ZC3H12B: variants seen among roughly 807,000 people sequenced by gnomAD.
The protein encoded by ZC3H12B is zinc finger CCCH-type containing 12B.
ZC3H12B carries 7 observed loss-of-function variants against 43.9 expected under a neutral mutation model. The ratio of observed to expected loss-of-function variants is 0.16; its 90% confidence interval spans 0.09 to 0.30. The LOEUF (loss-of-function observed/expected upper bound fraction) is 0.30, where lower values mean the gene tolerates loss of function less well. ZC3H12B is among the 10% of genes least tolerant of loss of function. ZC3H12B has a pLI of 1.00. For missense variants in ZC3H12B, 475 were observed against 670.2 expected (o/e 0.71, Z 3.22); for synonymous variants, 222 against 241.7 (o/e 0.92, Z 0.76).
the ZC3H12B span, among the ~76,000 whole-genome samples, chrX:65,102,224 G>T: frequency 1.8e-5 from 2 of 111,528 alleles, no homozygotes; most frequent in Non-Finnish European, 3.8e-5. Context: ...AGGTATTGAT[G>T]GTATATATCT....
At chrX:65,042,319 C>CT in the ZC3H12B span, among the ~76,000 whole-genome samples, 1 of 112,557 alleles carries the variant, frequency 8.9e-6, no homozygotes, top group Non-Finnish European at 1.9e-5. Context: ...GGAAGAGAGA[C>CT]TGAGTATTCA....
the ZC3H12B span, among the ~76,000 whole-genome samples, chrX:65,159,810 G>A: frequency 1.8e-5 from 2 of 111,965 alleles, no homozygotes; most frequent in South Asian, 3.7e-4. Flanking sequence ...TGGAAGAGGA[G>A]TGGTGAGAGA....
the ZC3H12B span, among the ~76,000 whole-genome samples, chrX:65,123,392 T>C: frequency 9.0e-6 from 1 of 110,977 alleles, no homozygotes; most frequent in South Asian, 3.8e-4. Context: ...ATTCTCTTTT[T>C]GTGTGTGTGT....
chrX:65,384,367 T>G (rs1322643883), intron 2 of ZC3H12B, among the ~76,000 whole-genome samples: 1 of 110,285 alleles, frequency 9.1e-6, no homozygotes, highest in African/African-American at 3.3e-5. Flanking sequence ...CGGGGACTGT[T>G]GTGGGGTGTG....
At chrX:65,255,702 G>A in the ZC3H12B span, among the ~76,000 whole-genome samples, 4 of 112,209 alleles carry the variant, frequency 3.6e-5, no homozygotes, top group Non-Finnish European at 5.6e-5. Context: ...ACTTTAGAAT[G>A]TAAACAGGCT....
chrX:65,047,871 T>C, the ZC3H12B span, among the ~76,000 whole-genome samples: 253 of 110,899 alleles, frequency 2.3e-3, 2 homozygotes, highest in African/African-American at 7.0e-3. Flanking sequence ...TAGACTAGTT[T>C]ATATTAAAAT....
chrX:65,394,789 T>C (rs1441610633), intron 2 of ZC3H12B, among the ~76,000 whole-genome samples: 4 of 112,285 alleles, frequency 3.6e-5, no homozygotes, highest in Middle Eastern at 4.6e-3. Flanking sequence ...TAAATTACTT[T>C]GGAGAGTATG....
At chrX:65,452,365 A>T (rs1261352071) in intron 3 of ZC3H12B, among the ~76,000 whole-genome samples, 1 of 111,117 alleles carries the variant, frequency 9.0e-6, no homozygotes, top group Non-Finnish European at 1.9e-5. Flanking sequence ...TACACATATC[A>T]TTAGCTATGC....
the ZC3H12B span, among the ~76,000 whole-genome samples, chrX:65,132,642 G>A: frequency 1.1e-3 from 127 of 111,269 alleles, 1 homozygote; most frequent in Admixed American, 0.012. Flanking sequence ...AGCTGGACAG[G>A]TGGGGATAAC....
chrX:65,144,275 T>G, the ZC3H12B span, among the ~76,000 whole-genome samples: 1 of 112,039 alleles, frequency 8.9e-6, no homozygotes, highest in African/African-American at 3.2e-5. Flanking sequence ...ATAAAGGTGT[T>G]CATAGTAGCC....
chrX:65,378,127 C>A (rs1237434165), intron 2 of ZC3H12B, among the ~76,000 whole-genome samples: 2 of 110,195 alleles, frequency 1.8e-5, no homozygotes, highest in Non-Finnish European at 3.8e-5. Context: ...TCTGACCTTA[C>A]AATACTCACT....
At chrX:65,107,243 G>A in the ZC3H12B span, among the ~76,000 whole-genome samples, 1 of 111,386 alleles carries the variant, frequency 9.0e-6, no homozygotes, top group African/African-American at 3.3e-5. Flanking sequence ...GATGAGGCAG[G>A]GATGTGCAAA....
intron 3 of ZC3H12B, among the ~76,000 whole-genome samples, chrX:65,409,935 C>T (rs760067580): frequency 1.0e-4 from 11 of 110,444 alleles, no homozygotes; most frequent in Admixed American, 5.8e-4. Context: ...ATGCCAACAA[C>T]ATTATTCACA....
chrX:65,458,883 G>C (rs2067681267), intron 3 of ZC3H12B, among the ~76,000 whole-genome samples: 1 of 111,246 alleles, frequency 9.0e-6, no homozygotes, highest in Admixed American at 9.6e-5. Flanking sequence ...AGGAAATAGA[G>C]ACACAAAAAA....
chrX:65,311,284 T>C, the ZC3H12B span, among the ~76,000 whole-genome samples: 1 of 111,496 alleles, frequency 9.0e-6, no homozygotes, highest in African/African-American at 3.3e-5. Flanking sequence ...TAAAAAGAAC[T>C]TAAACAAATT....
the ZC3H12B span, among the ~76,000 whole-genome samples, chrX:65,160,488 G>C: frequency 2.7e-5 from 3 of 111,666 alleles, no homozygotes; most frequent in African/African-American, 6.5e-5. Context: ...GTTTAGTCTT[G>C]GGAGGTTGTA....
At chrX:65,344,909 CTT>C in the ZC3H12B span, among the ~76,000 whole-genome samples, 3 of 112,025 alleles carry the variant, frequency 2.7e-5, no homozygotes, top group Non-Finnish European at 5.6e-5. Context: ...TGAACAGACA[CTT>C]TTTAAAAGAC....
At chrX:65,153,332 C>G in the ZC3H12B span, among the ~76,000 whole-genome samples, 1 of 111,863 alleles carries the variant, frequency 8.9e-6, no homozygotes, top group Non-Finnish European at 1.9e-5. Flanking sequence ...GCAACCTACT[C>G]ATCTGACAAA....
At chrX:65,374,302 A>G (rs1260553174) in intron 2 of ZC3H12B, among the ~76,000 whole-genome samples, 2 of 94,017 alleles carry the variant, frequency 2.1e-5, no homozygotes, top group Non-Finnish European at 4.1e-5. Context: ...GAAAAGAAAA[A>G]CTACCTATTG....
Sources: gnomAD v4.1 joint callset for allele counts (sites outside exome capture counted in the v4.1 genomes callset) on GRCh38, gnomAD v4.1.1 for gene constraint, MANE v1.5 for transcripts, NCBI Gene and HGNC (gene_info 2026-07-23, HGNC 2026-07-21) for gene names.